The following SFTPB variants were observed in gnomAD, a reference collection of about 807,000 sequenced individuals.
The protein encoded by SFTPB is pulmonary surfactant-associated protein B.
Under a neutral mutation model 51.0 loss-of-function variants are expected in SFTPB, and 32 were observed. The ratio of observed to expected loss-of-function variants is 0.63; its 90% CI spans 0.47 to 0.84. SFTPB has a LOEUF of 0.84. Ranked by LOEUF, SFTPB falls within the 40% of genes least tolerant of loss-of-function variation. The probability of loss-of-function intolerance (pLI) is 0.00; values close to 1 mark genes in which losing one functional copy is unlikely to be tolerated. For synonymous variants in SFTPB, 211 were observed against 208.5 expected (o/e 1.01, Z -0.10); for missense variants, 431 against 491.2 (o/e 0.88, Z 1.16).
In SFTPB at chr2:85,659,041, C is replaced by T. The variant is rs1573466135; in HGVS notation, c.*661G>A. The stretch of plus-strand genomic sequence containing the variant: ...ACCTTACAGAAAGACAAAAAGAAAC[C>T]CCTTTTTATATCTTAACAAAGCAAT... On this transcript the variant is annotated 3_prime_UTR_variant, in exon 11 of 11. Transcript: ENST00000519937. 6.6e-6 allele frequency: 1 copy of T among 151,822 alleles called. No individual in the cohort carries two copies. Among genetic ancestry groups the T allele is most frequent in the South Asian group, 2.1e-4 (1 of 4,808 alleles). The allele number at this position is 151,822 out of a possible 1,614,324, so 9.4% of individuals were successfully genotyped here.
chr2:85,657,799 TAGG>T lies in SFTPB; in HGVS notation c.*1900_*1902del, dbSNP rs1013473893. The stretch of plus-strand genomic sequence containing the variant: ...GTAGGTTTGGGATAGGCGGTGGAGT[TAGG>T]AGCAATTTTTTGTGGGCAGGGGGTG... On this transcript the variant is annotated 3_prime_UTR_variant, in exon 11 of 11. Coordinates refer to ENST00000519937, the MANE Select transcript of SFTPB (RefSeq NM_000542.5). 6.6e-6 allele frequency: 1 copy of T among 151,892 alleles called. No homozygotes were observed. The highest frequency in any genetic ancestry group is 2.4e-5 in the African/African-American group (1 of 41,314). The allele number at this position is 151,892 out of a possible 1,614,324, so 9.4% of individuals were successfully genotyped here. A position where few individuals can be genotyped will look rare whatever the true frequency, so the allele number is the denominator to read the frequency against.
chr2:85,660,556 T>C (rs1677240745), intron 10 of SFTPB, among the ~76,000 whole-genome samples: 2 of 151,324 alleles, frequency 1.3e-5, no homozygotes, highest in Admixed American at 6.6e-5. Flanking sequence ...TTCAAGTGAT[T>C]CTCCTGCCTA....
chr2:85,664,034 G>A (rs950064692), intron 6 of SFTPB, among the ~76,000 whole-genome samples, 187 bp from the exon 7 acceptor site: 1 of 152,166 alleles, frequency 6.6e-6, no homozygotes, highest in Non-Finnish European at 1.5e-5. Context: ...CTCACACAGG[G>A]TCACTGAGTG....
rs1159059618 is a variant in SFTPB at position 85,663,505 on chromosome 2, C to T, written c.857-14G>A. 1.9e-6 allele frequency: 3 copies of T among 1,613,400 alleles called. No individual in the cohort carries two copies. The East Asian group carries it at 6.7e-5, about 36-fold the overall frequency. ...CTGTCGGCGACCCTGGAGATGTGAGCATTAGGGGGAAAGCAGGCAAGGCCA... is the reference window on the plus strand; with the variant it reads ...CTGTCGGCGACCCTGGAGATGTGAGTATTAGGGGGAAAGCAGGCAAGGCCA... On this transcript the variant is annotated splice_polypyrimidine_tract_variant and intron_variant, in intron 7 of 10. Coordinates refer to ENST00000519937, the MANE Select transcript of SFTPB (RefSeq NM_000542.5).
intron 8 of SFTPB, 105 bp from the exon 9 acceptor site, chr2:85,662,214 A>T: frequency 3.9e-6 from 6 of 1,536,506 alleles, no homozygotes; most frequent in Non-Finnish European, 5.3e-6. Flanking sequence ...CTCCCTCCCG[A>T]CTCCTCCATC....
upstream of SFTPB, chr2:85,668,725 T>C (rs1677774069): frequency 6.4e-6 from 1 of 157,122 alleles, no homozygotes; most frequent in Non-Finnish European, 1.4e-5. Flanking sequence ...TTTGCATTAG[T>C]CAGAAGAGCA....
chr2:85,667,700 T>C lies in SFTPB; in HGVS notation c.174A>G (p.Glu58=). The C allele has an allele frequency of 6.2e-7, 1 of 1,614,250 alleles. No individual in the cohort carries two copies. The highest frequency in any genetic ancestry group is 2.2e-5 in the East Asian group (1 of 44,882). The change falls in exon 2 of 11, where the codon GAA becomes GAG. Residue 58 remains glutamate, a synonymous_variant. Transcript: ENST00000519937. ...TCACGGCTCCCACATGTCCCCAGAC[T>C]TCCTGTAGGCAATGCCCTAGGGCTC... ...QCRALGHCLQ[E]VWGHVGADDL...
chr2:85,662,069 G>T lies in SFTPB; in HGVS notation c.1043C>A (p.Thr348Asn). The T allele has an allele frequency of 6.2e-7, 1 of 1,603,972 alleles. No individual in the cohort carries two copies. Among genetic ancestry groups the T allele is most frequent in the East Asian group, 2.2e-5 (1 of 44,510 alleles). ...FVEQHTPQLL[T>N]LVPRGWDAHT... Reference sequence around the variant, plus strand: ...GGCATCCCAGCCCCTGGGCACCAGGGTCAGCAGCTGGGGCGTGTGCTGCTC... The same window carrying T: ...GGCATCCCAGCCCCTGGGCACCAGGTTCAGCAGCTGGGGCGTGTGCTGCTC... Residue 348 changes from threonine to asparagine, a missense_variant, in exon 9 of 11, where the codon ACC (threonine) becomes AAC (asparagine). Transcript: ENST00000519937.
At chr2:85,666,423 TTG>T (rs34334231) in intron 4 of SFTPB, 192 bp downstream of exon 4, 48,630 of 326,124 alleles carry the variant, frequency 0.15, no homozygotes, top group South Asian at 0.24. Flanking sequence ...AGCTGGGGTG[TTG>T]TGTGTGTGTG....
At position 85,666,742 on chromosome 2, in the gene SFTPB, C is replaced by T. The variant is rs1248137913; in HGVS notation, c.268G>A (p.Asp90Asn). Residue 90 changes from aspartate (D) to asparagine (N), a missense_variant and splice_region_variant, in exon 4 of 11, where the codon GAC becomes AAC. Transcript: ENST00000519937. ...TGCTCCAGGAACTTCCTCATCGTGTCCTGGGAGGCCAGAGGGGGCCGTCAG... is the reference window on the plus strand; with the variant it reads ...TGCTCCAGGAACTTCCTCATCGTGTTCTGGGAGGCCAGAGGGGGCCGTCAG... Reference protein sequence around the residue: ...NKMAKEAIFQDTMRKFLEQEC... With the variant: ...NKMAKEAIFQNTMRKFLEQEC... 11 of 1,613,664 alleles carry T rather than the reference C, an allele frequency of 6.8e-6. No individual in the cohort carries two copies. Among genetic ancestry groups the T allele is most frequent in the Non-Finnish European group, 9.3e-6 (11 of 1,179,872 alleles).
intron 6 of SFTPB, among the ~76,000 whole-genome samples, chr2:85,664,776 C>CT (rs1050660407): frequency 6.6e-6 from 1 of 152,222 alleles, no homozygotes; most frequent in Admixed American, 6.5e-5. Flanking sequence ...CTGGGAAAGG[C>CT]TGAGGGGGCA....
At chr2:85,662,870 A>T (rs1573471261) in intron 8 of SFTPB, among the ~76,000 whole-genome samples, 1 of 148,864 alleles carries the variant, frequency 6.7e-6, no homozygotes, top group Non-Finnish European at 1.5e-5. Flanking sequence ...AAAAAAAGGG[A>T]ATTTCCTGTC....
At chr2:85,661,756 C>G (rs2104394402) in intron 9 of SFTPB, among the ~76,000 whole-genome samples, 1 of 152,324 alleles carries the variant, frequency 6.6e-6, no homozygotes, top group East Asian at 1.9e-4. Context: ...TACCCCCACC[C>G]CACCAGCACA....
chr2:85,667,516 A>G (rs1451710572), intron 2 of SFTPB, among the ~76,000 whole-genome samples, 163 bp downstream of exon 2: 1 of 151,954 alleles, frequency 6.6e-6, no homozygotes, highest in Non-Finnish European at 1.5e-5. Flanking sequence ...ATCGTATCCC[A>G]TCGCATCCAT....
Position 85,668,077 on chromosome 2 carries a change from G to A in SFTPB, c.67+40C>T, listed in dbSNP as rs922965113. The A allele has an allele frequency of 3.2e-5, 47 of 1,472,896 alleles. No individual in the cohort carries two copies. In the East Asian group the frequency reaches 3.2e-4, roughly 10 times the overall value. The allele number at this position is 1,472,896 out of a possible 1,614,324, so 91.2% of individuals were successfully genotyped here. On this transcript the variant is annotated intron_variant, in intron 1 of 10. Coordinates refer to ENST00000519937, the MANE Select transcript of SFTPB (RefSeq NM_000542.5). ...AGCACAAAGCAGTGCTCAGTGAGTG[G>A]TGGAGCTGCCTAGGAGAGGGGAGGC...
In SFTPB at chr2:85,667,816, G is replaced by A; in HGVS notation, c.68-10C>T. The stretch of plus-strand genomic sequence containing the variant: ...GAGGTGGTCCAGGCAGCTGTGGTTT[G>A]GGGCCAGAGCAACCTTAATCAGGAT... On this transcript the variant is annotated splice_polypyrimidine_tract_variant and intron_variant, in intron 1 of 10. Transcript: ENST00000519937. 1 of 1,614,264 alleles carries A rather than the reference G, an allele frequency of 6.2e-7. No homozygotes were observed. Among genetic ancestry groups the A allele is most frequent in the Non-Finnish European group, 8.5e-7 (1 of 1,180,050 alleles).
chr2:85,662,292 A>T lies in SFTPB; in HGVS notation c.1003-183T>A, dbSNP rs1373546455. Reference sequence around the variant, plus strand: ...AAACTGGAGCCAGCTGAAATGGAGGACTTCCATCAGAAAAGCAGGCGACAC... The same window carrying T: ...AAACTGGAGCCAGCTGAAATGGAGGTCTTCCATCAGAAAAGCAGGCGACAC... On this transcript the variant is annotated intron_variant, in intron 8 of 10. Transcript: ENST00000519937. 4.8e-6 allele frequency: 7 copies of T among 1,453,120 alleles called. No homozygotes were observed. The African/African-American group carries it at 7.1e-5, about 15-fold the overall frequency. The allele number at this position is 1,453,120 out of a possible 1,614,324, so 90.0% of individuals were successfully genotyped here. A position where few individuals can be genotyped will look rare whatever the true frequency, so the allele number is the denominator to read the frequency against.
Position 85,667,725 on chromosome 2 carries a change from C to A in SFTPB, c.149G>T (p.Arg50Ile), listed in dbSNP as rs749043722. The change falls in exon 2 of 11, where the codon AGA becomes ATA. Residue 50 changes from arginine to isoleucine, a missense_variant. By Grantham distance (97) the Arg-to-Ile change is moderately conservative. Coordinates refer to ENST00000519937, the MANE Select transcript of SFTPB (RefSeq NM_000542.5). ...CQSLEQALQCRALGHCLQEVW... is the reference protein window; with the variant it reads ...CQSLEQALQCIALGHCLQEVW... ...TTCCTGTAGGCAATGCCCTAGGGCT[C>A]TGCACTGCAATGCTTGCTCCAGGCT... is the stretch of plus-strand genomic sequence containing the variant. 7 of 1,614,238 alleles carry A rather than the reference C, an allele frequency of 4.3e-6. No homozygotes were observed. The Admixed American group carries it at 8.3e-5, about 19-fold the overall frequency.
At chr2:85,667,510 T>C (rs1677711257) in intron 2 of SFTPB, among the ~76,000 whole-genome samples, 169 bp downstream of exon 2, 1 of 152,142 alleles carries the variant, frequency 6.6e-6, no homozygotes, top group Non-Finnish European at 1.5e-5. Context: ...TATGTCATCG[T>C]ATCCCATCGC....
Sources: allele counts gnomAD v4.1 joint callset (sites outside exome capture counted in the v4.1 genomes callset), GRCh38; gene constraint gnomAD v4.1.1; transcripts MANE v1.5; gene names NCBI Gene and HGNC (gene_info 2026-07-23, HGNC 2026-07-21).